APLF: variants seen among roughly 807,000 people sequenced by gnomAD.
The protein encoded by APLF is aprataxin and PNK-like factor.
In APLF, 61 loss-of-function variants were observed where a neutral mutation model predicts 55.6. The ratio of observed to expected loss-of-function variants is 1.10; its 90% CI spans 0.89 to 1.36. The LOEUF (loss-of-function observed/expected upper bound fraction) is 1.36, where lower values mean the gene tolerates loss of function less well. Among genes scored for constraint, APLF ranks in the 40% most tolerant of loss-of-function variants. The probability of loss-of-function intolerance (pLI) is 0.00; values close to 1 mark genes in which losing one functional copy is unlikely to be tolerated. For missense variants in APLF, 611 were observed against 602.5 expected (o/e 1.01, Z -0.15); for synonymous variants, 207 against 214.8 (o/e 0.96, Z 0.32).
At chr2:68,494,633 C>G (rs548284113) in intron 2 of APLF, among the ~76,000 whole-genome samples, 17 of 152,246 alleles carry the variant, frequency 1.1e-4, no homozygotes, top group Admixed American at 3.3e-4. Flanking sequence ...AGCTATTCTT[C>G]CTGATGTTCT....
chr2:68,518,214 C>T (rs550331175), intron 5 of APLF, among the ~76,000 whole-genome samples: 121 of 113,584 alleles, frequency 1.1e-3, no homozygotes, highest in African/African-American at 3.9e-3. Context: ...AATAATATAT[C>T]GTTAATATAT....
intron 2 of APLF, among the ~76,000 whole-genome samples, chr2:68,497,397 G>GT (rs1573177354): frequency 1.3e-5 from 2 of 151,998 alleles, no homozygotes; most frequent in African/African-American, 4.8e-5. Flanking sequence ...TCTCATGATA[G>GT]TGAGTTCTCA....
chr2:68,473,220 T>C (rs182601040), intron 1 of APLF, among the ~76,000 whole-genome samples: 1 of 152,218 alleles, frequency 6.6e-6, no homozygotes, highest in Admixed American at 6.5e-5. Flanking sequence ...CTGAATTCTT[T>C]TACTTTCTCC....
intron 7 of APLF, among the ~76,000 whole-genome samples, chr2:68,542,063 G>C (rs1670568699): frequency 6.6e-6 from 1 of 152,130 alleles, no homozygotes; most frequent in Admixed American, 6.5e-5. Flanking sequence ...TTTCAATAAA[G>C]AGTGCTCAGA....
Position 68,467,614 on chromosome 2 carries a change from T to G in APLF, c.-118T>G. On this transcript the variant is annotated 5_prime_UTR_variant, in exon 1 of 10. Coordinates refer to ENST00000303795, the MANE Select transcript of APLF (RefSeq NM_173545.3). ...GGACCGGCGCAGCCGCGGGGAGCCTTTGAGGCCCTCCCTCGGTGTTTTTTC... is the reference window on the plus strand; with the variant it reads ...GGACCGGCGCAGCCGCGGGGAGCCTGTGAGGCCCTCCCTCGGTGTTTTTTC... 3 of 848,492 alleles carry G rather than the reference T, an allele frequency of 3.5e-6. No homozygotes were observed. The highest frequency in any genetic ancestry group is 4.7e-6 in the Non-Finnish European group (3 of 636,636). 52.6% of individuals were successfully genotyped at this position (848,492 alleles called of 1,614,324 possible).
intron 8 of APLF, among the ~76,000 whole-genome samples, chr2:68,561,986 A>C (rs1225901895): frequency 6.6e-6 from 1 of 152,086 alleles, no homozygotes; most frequent in African/African-American, 2.4e-5. Flanking sequence ...GATGGAATCC[A>C]TGTAAGTGTC....
At chr2:68,478,659 T>C (rs1490059143) in intron 1 of APLF, among the ~76,000 whole-genome samples, 1 of 152,116 alleles carries the variant, frequency 6.6e-6, no homozygotes, top group Non-Finnish European at 1.5e-5. Context: ...AAGATAATCA[T>C]TGAGGAGAAA....
chr2:68,571,155 T>C (rs1447834656), intron 9 of APLF, among the ~76,000 whole-genome samples: 3 of 152,170 alleles, frequency 2.0e-5, no homozygotes, highest in Non-Finnish European at 4.4e-5. Context: ...TTTTTTTTCT[T>C]GTAAATTTGT....
intron 2 of APLF, among the ~76,000 whole-genome samples, chr2:68,493,115 C>T (rs933886110): frequency 1.3e-5 from 2 of 152,048 alleles, no homozygotes; most frequent in African/African-American, 2.4e-5. Flanking sequence ...GGTGTCTTTT[C>T]TTTAAAAAAA....
At chr2:68,513,713 A>C (rs1395707645) in intron 5 of APLF, 33 bp downstream of exon 5, 3 of 1,602,892 alleles carry the variant, frequency 1.9e-6, no homozygotes, top group Non-Finnish European at 2.6e-6. Flanking sequence ...GCTGACTTTA[A>C]AGGAAACATT....
At chr2:68,504,283 A>T (rs1676811218) in intron 3 of APLF, among the ~76,000 whole-genome samples, 1 of 152,118 alleles carries the variant, frequency 6.6e-6, no homozygotes, top group Admixed American at 6.6e-5. Flanking sequence ...ATAAAAGAAG[A>T]TATACTTCCC....
chr2:68,579,465 A>G lies in APLF; in HGVS notation c.*1443A>G. Reference sequence around the variant, plus strand: ...AGGTATATACCCAGAGGAATTGAAAACATTTCCACATAAAAACTGTACACA... The same window carrying G: ...AGGTATATACCCAGAGGAATTGAAAGCATTTCCACATAAAAACTGTACACA... On this transcript the variant is annotated 3_prime_UTR_variant, in exon 10 of 10. Coordinates refer to ENST00000303795, the MANE Select transcript of APLF (RefSeq NM_173545.3). 1 of 865,610 alleles carries G rather than the reference A, an allele frequency of 1.2e-6. No individual in the cohort carries two copies. Among genetic ancestry groups the G allele is most frequent in the Non-Finnish European group, 1.4e-6 (1 of 720,812 alleles). The allele number at this position is 865,610 out of a possible 1,614,324, so 53.6% of individuals were successfully genotyped here.
chr2:68,468,286 C>A (rs1474573730), intron 1 of APLF, among the ~76,000 whole-genome samples: 1 of 152,134 alleles, frequency 6.6e-6, no homozygotes, highest in African/African-American at 2.4e-5. Context: ...TGTGATATTA[C>A]GTCTTCTAGG....
chr2:68,550,948 C>T (rs546117778), intron 8 of APLF, among the ~76,000 whole-genome samples: 36 of 152,042 alleles, frequency 2.4e-4, no homozygotes, highest in Middle Eastern at 3.4e-3. Context: ...TTTTGAGTGC[C>T]CTTTATTTCT....
intron 9 of APLF, among the ~76,000 whole-genome samples, chr2:68,571,407 CTAGGGTTTT>C (rs1006119983): frequency 1.5e-4 from 23 of 152,086 alleles, no homozygotes; most frequent in Admixed American, 1.4e-3. Context: ...AGGTTTTCTT[CTAGGGTTTT>C]TATGGTTTTA....
intron 5 of APLF, among the ~76,000 whole-genome samples, chr2:68,520,830 A>G (rs1669877348): frequency 6.6e-6 from 1 of 151,542 alleles, no homozygotes; most frequent in Non-Finnish European, 1.5e-5. Flanking sequence ...GAATTTTGGG[A>G]TTGTTTTTTC....
intron 7 of APLF, among the ~76,000 whole-genome samples, chr2:68,538,654 G>C (rs1670468205): frequency 6.6e-6 from 1 of 152,088 alleles, no homozygotes; most frequent in Non-Finnish European, 1.5e-5. Flanking sequence ...GAATCATCAT[G>C]GTACCCTGTA....
At chr2:68,571,475 G>C (rs1319005471) in intron 9 of APLF, among the ~76,000 whole-genome samples, 1 of 152,028 alleles carries the variant, frequency 6.6e-6, no homozygotes, top group Non-Finnish European at 1.5e-5. Flanking sequence ...TTTTGTATAA[G>C]GTGTAAGGAA....
chr2:68,544,821 T>C (rs970030431), intron 7 of APLF, among the ~76,000 whole-genome samples: 6 of 152,158 alleles, frequency 3.9e-5, no homozygotes, highest in African/African-American at 1.4e-4. Flanking sequence ...GAGGGTACAA[T>C]ATATGTGCTC....
Sources: gnomAD v4.1 joint callset for allele counts (sites outside exome capture counted in the v4.1 genomes callset) on GRCh38, gnomAD v4.1.1 for gene constraint, MANE v1.5 for transcripts, NCBI Gene and HGNC (gene_info 2026-07-23, HGNC 2026-07-21) for gene names.